The following UBE3B variants were observed in gnomAD, a reference collection of about 807,000 sequenced individuals.
UBE3B encodes the protein ubiquitin-protein ligase E3B.
UBE3B carries 80 observed loss-of-function variants against 132.3 expected under a neutral mutation model. The ratio of observed to expected loss-of-function variants is 0.60; its 90% CI spans 0.50 to 0.73. UBE3B has a LOEUF of 0.73. Ranked by LOEUF, UBE3B falls within the 30% of genes least tolerant of loss-of-function variation. UBE3B has a pLI of 0.00. For missense variants in UBE3B, 1,196 were observed against 1,362.5 expected, an observed-to-expected ratio of 0.88 and a Z score of 1.92; for synonymous variants, 487 against 520.4, an observed-to-expected ratio of 0.94 and a Z score of 0.87.
chr12:109,512,388 A>G (rs1880485596), intron 18 of UBE3B, among the ~76,000 whole-genome samples: 2 of 152,040 alleles, frequency 1.3e-5, no homozygotes, highest in Admixed American at 1.3e-4. Context: ...CACCCGGGGG[A>G]TGAGAGAGAC....
intron 9 of UBE3B, among the ~76,000 whole-genome samples, chr12:109,495,179 C>G (rs11829700): frequency 0.091 from 13,888 of 152,162 alleles, 1,493 homozygotes; most frequent in African/African-American, 0.26. Context: ...TTCAGCATTT[C>G]AGCTTCATAA....
At chr12:109,539,100 G>A (rs1883551768), downstream of UBE3B, among the ~76,000 whole-genome samples, 1 of 152,164 alleles carries the variant, frequency 6.6e-6, no homozygotes, top group African/African-American at 2.4e-5. Flanking sequence ...CCTGGGTGTG[G>A]TGGCGCACAC....
At chr12:109,507,880 C>G (rs760911449) in intron 15 of UBE3B, 145 bp downstream of exon 15, 50 of 974,806 alleles carry the variant, frequency 5.1e-5, no homozygotes, top group Non-Finnish European at 1.2e-5. Context: ...AGCCATTTAC[C>G]AAGTGAGCAG....
At chr12:109,494,090 A>C (rs987085971) in intron 9 of UBE3B, among the ~76,000 whole-genome samples, 5 of 152,154 alleles carry the variant, frequency 3.3e-5, no homozygotes, top group Non-Finnish European at 7.4e-5. Context: ...CCTCTCAAAA[A>C]GTGCTGGAAT....
Position 109,498,250 on chromosome 12 carries a change from A to G in UBE3B, c.837A>G (p.Glu279=). The G allele has an allele frequency of 6.2e-7, 1 of 1,614,092 alleles. No homozygotes were observed. Among genetic ancestry groups the G allele is most frequent in the Non-Finnish European group, 8.5e-7 (1 of 1,180,002 alleles). Residue 279 remains glutamate (E), a synonymous_variant, in exon 11 of 28, where the codon GAA becomes GAG. Coordinates refer to ENST00000342494, the MANE Select transcript of UBE3B (RefSeq NM_130466.4). ...TVTPERLTVL[E]SHDMLRKFII... ...CTTTGCAGCGCCTCACTGTTTTAGA[A>G]TCCCATGACATGCTTCGTAAATTCA... is the stretch of plus-strand genomic sequence containing the variant.
In UBE3B at chr12:109,491,034, A is replaced by G. The variant is rs1010875454; in HGVS notation, c.631-11A>G. 3 of 1,612,878 alleles carry G rather than the reference A, an allele frequency of 1.9e-6. No individual in the cohort carries two copies. In the African/African-American group the frequency reaches 4.0e-5, roughly 22 times the overall value. ...ATATCATCCTCTGACCAATTAAAAC[A>G]TTCTTTTCAGATATTGTTAACCCGT... is the stretch of plus-strand genomic sequence containing the variant. On this transcript the variant is annotated splice_polypyrimidine_tract_variant and intron_variant, in intron 8 of 27. Coordinates refer to ENST00000342494, the MANE Select transcript of UBE3B (RefSeq NM_130466.4).
At chr12:109,543,191 G>T in the UBE3B span, among the ~76,000 whole-genome samples, 1 of 152,264 alleles carries the variant, frequency 6.6e-6, no homozygotes, top group Non-Finnish European at 1.5e-5. Flanking sequence ...AGGGCTGCGT[G>T]TGCGTGTGGC....
At chr12:109,496,116 CTCTT>C (rs1316355959) in intron 9 of UBE3B, among the ~76,000 whole-genome samples, 3 of 152,258 alleles carry the variant, frequency 2.0e-5, no homozygotes, top group Non-Finnish European at 4.4e-5. Context: ...TACTTTCTAT[CTCTT>C]TGGATTTGCC....
chr12:109,525,943 C>G (rs1882287776), intron 23 of UBE3B, among the ~76,000 whole-genome samples: 1 of 152,178 alleles, frequency 6.6e-6, no homozygotes, highest in Admixed American at 6.5e-5. Context: ...AGAAATGATG[C>G]CATTCTGTGC....
intron 3 of UBE3B, 65 bp from the exon 4 acceptor site, chr12:109,483,796 G>C: frequency 6.3e-7 from 1 of 1,589,032 alleles, no homozygotes; most frequent in East Asian, 2.2e-5. Flanking sequence ...TAAAGTGCTT[G>C]AAAAGCCTTC....
At chr12:109,516,993 C>A in intron 19 of UBE3B, 109 bp downstream of exon 19, 1 of 1,452,584 alleles carries the variant, frequency 6.9e-7, no homozygotes, top group Non-Finnish European at 9.1e-7. Flanking sequence ...ACTCCTTGAT[C>A]TGAAATTAAG....
chr12:109,517,943 G>A (rs1175937730), intron 19 of UBE3B: 2 of 446,764 alleles, frequency 4.5e-6, no homozygotes, highest in Middle Eastern at 3.3e-4. Flanking sequence ...CCTGGCCACT[G>A]GTGATCAATG....
Position 109,524,110 on chromosome 12 carries a change from A to T in UBE3B, c.2497A>T (p.Ile833Phe). ...DSEFYKNLTS[I>F]KRYDGDITDL... ...CGAGTTCTATAAAAACCTCACCTCC[A>T]TCAAGGTGAGCATGGAATGGTGGGT... is the stretch of plus-strand genomic sequence containing the variant. Residue 833 changes from isoleucine to phenylalanine, a missense_variant, in exon 22 of 28, where the codon ATC (isoleucine) becomes TTC (phenylalanine). By Grantham distance (21) the Ile-to-Phe change is conservative. Coordinates refer to ENST00000342494, the MANE Select transcript of UBE3B (RefSeq NM_130466.4). The T allele has an allele frequency of 6.2e-7, 1 of 1,614,062 alleles. No individual in the cohort carries two copies. Among genetic ancestry groups the T allele is most frequent in the African/African-American group, 1.3e-5 (1 of 75,028 alleles).
intron 14 of UBE3B, among the ~76,000 whole-genome samples, chr12:109,503,919 C>A (rs920627198): frequency 3.3e-5 from 5 of 152,230 alleles, no homozygotes; most frequent in Non-Finnish European, 7.3e-5. Context: ...TTCTCTTTCA[C>A]ACTTATTTAT....
intron 2 of UBE3B, among the ~76,000 whole-genome samples, chr12:109,483,203 A>C (rs1025504610): frequency 3.3e-5 from 5 of 152,270 alleles, no homozygotes; most frequent in African/African-American, 1.2e-4. Flanking sequence ...GGTTTGAATT[A>C]GAGCTTTATG....
In UBE3B at chr12:109,483,502, C is replaced by A. The variant is rs1373804647; in HGVS notation, c.-21-29C>A. ...TGTGTGTTTTTCACACAACAATCTA[C>A]AACACCCACTTGCCCATTTTCCTTG... On this transcript the variant is annotated intron_variant, in intron 2 of 27. Coordinates refer to ENST00000342494, the MANE Select transcript of UBE3B (RefSeq NM_130466.4). The A allele has an allele frequency of 2.6e-6, 4 of 1,521,318 alleles. No individual in the cohort carries two copies. The South Asian group carries it at 5.3e-5, about 20-fold the overall frequency. The allele number at this position is 1,521,318 out of a possible 1,614,324, so 94.2% of individuals were successfully genotyped here. A position where few individuals can be genotyped will look rare whatever the true frequency, so the allele number is the denominator to read the frequency against.
chr12:109,483,413 A>G (rs1476284637), intron 2 of UBE3B, 118 bp from the exon 3 acceptor site: 2 of 1,043,516 alleles, frequency 1.9e-6, no homozygotes, highest in Non-Finnish European at 1.3e-6. Context: ...GAGGGTGTTG[A>G]CAGGTCCTGA....
intron 21 of UBE3B, among the ~76,000 whole-genome samples, chr12:109,523,069 G>A (rs1881896285): frequency 5.3e-5 from 8 of 152,116 alleles, no homozygotes; most frequent in Admixed American, 4.6e-4. Flanking sequence ...GACAGTAATT[G>A]TGCTGACGAG....
intron 4 of UBE3B, 88 bp from the exon 5 acceptor site, chr12:109,485,924 G>T: frequency 6.9e-7 from 1 of 1,444,548 alleles, no homozygotes; most frequent in East Asian, 2.5e-5. Context: ...ACCTGCACGT[G>T]CCAGGTACCC....
Sources: gnomAD v4.1 joint callset for allele counts (sites outside exome capture counted in the v4.1 genomes callset) on GRCh38, gnomAD v4.1.1 for gene constraint, MANE v1.5 for transcripts, NCBI Gene and HGNC (gene_info 2026-07-23, HGNC 2026-07-21) for gene names.